Variants in SGPL1 observed in about 807,000 individuals in gnomAD.
SGPL1 encodes sphingosine-1-phosphate lyase 1.
A neutral mutation model predicts 68.9 loss-of-function variants in SGPL1; 37 were observed. That is an observed-to-expected ratio of 0.54 (90% CI 0.41 to 0.71). The LOEUF (loss-of-function observed/expected upper bound fraction) is 0.71, where lower values mean the gene tolerates loss of function less well. Among genes scored for constraint, SGPL1 ranks in the 30% least tolerant of loss-of-function variants. The probability of loss-of-function intolerance (pLI) is 0.00; values close to 1 mark genes in which losing one functional copy is unlikely to be tolerated. For missense variants in SGPL1, 551 were observed against 704.6 expected (o/e 0.78, Z 2.47); for synonymous variants, 236 against 248.5 (o/e 0.95, Z 0.47).
chr10:70,845,403 G>A (rs906627130), intron 3 of SGPL1, among the ~76,000 whole-genome samples: 9 of 152,120 alleles, frequency 5.9e-5, no homozygotes, highest in African/African-American at 2.2e-4. Context: ...CTGCCATCAG[G>A]CTGTGGGGAT....
intron 7 of SGPL1, among the ~76,000 whole-genome samples, chr10:70,863,466 C>T (rs988898309): frequency 4.0e-4 from 60 of 151,898 alleles, no homozygotes; most frequent in Admixed American, 3.9e-3. Flanking sequence ...TTCCTTGTTT[C>T]CTTATATTTG....
At chr10:70,868,296 C>T (rs776068596) in intron 7 of SGPL1, 49 bp from the exon 8 acceptor site, 139 of 1,303,562 alleles carry the variant, frequency 1.1e-4, no homozygotes, top group Admixed American at 8.5e-4. Flanking sequence ...CATGAAGAGC[C>T]GGGGCATTCC....
intron 3 of SGPL1, 41 bp downstream of exon 3, chr10:70,844,679 C>T (rs1845765088): frequency 6.4e-7 from 1 of 1,557,526 alleles, no homozygotes; most frequent in Admixed American, 1.8e-5. Flanking sequence ...AGTGGTGTGT[C>T]ACTAGCCTCA....
intron 2 of SGPL1, among the ~76,000 whole-genome samples, chr10:70,819,627 CTTTTTT>C (rs35734922): frequency 4.1e-5 from 5 of 120,928 alleles, no homozygotes; most frequent in South Asian, 5.2e-4. Flanking sequence ...TGGGATGCAG[CTTTTTT>C]TTTTTTTTTT....
intron 7 of SGPL1, among the ~76,000 whole-genome samples, chr10:70,866,070 C>G (rs572938836): frequency 6.6e-6 from 1 of 152,262 alleles, no homozygotes; most frequent in Non-Finnish European, 1.5e-5. Context: ...TTTTAAAACA[C>G]AGAATCAAAA....
rs1291022044 is a variant in SGPL1, at chr10:70,871,919, A to C, written c.992A>C (p.Tyr331Ser). 1 of 1,614,162 alleles carries C rather than the reference A, an allele frequency of 6.2e-7. No individual in the cohort carries two copies. Among genetic ancestry groups the C allele is most frequent in the Admixed American group, 1.7e-5 (1 of 60,030 alleles). ...ATCGTCTTTATGGAGAAAGCAGGAT[A>C]CCCACTGGAGCACCCATTTGATTTC... ...FLIVFMEKAG[Y>S]PLEHPFDFRV... is the part of the protein sequence containing the mutation. The change falls in exon 11 of 15, where the codon TAC becomes TCC. Residue 331 changes from tyrosine to serine, a missense_variant. Tyr to Ser is a moderately radical substitution (Grantham distance 144, BLOSUM62 -2). Coordinates refer to ENST00000373202, the MANE Select transcript of SGPL1 (RefSeq NM_003901.4).
intron 3 of SGPL1, among the ~76,000 whole-genome samples, chr10:70,847,419 G>T (rs1305681245): frequency 1.3e-5 from 2 of 152,126 alleles, no homozygotes; most frequent in African/African-American, 4.8e-5. Context: ...AAAGTGCTGA[G>T]ATTACAGGCC....
chr10:70,867,314 G>C (rs1410539519), intron 7 of SGPL1, among the ~76,000 whole-genome samples: 1 of 152,210 alleles, frequency 6.6e-6, no homozygotes, highest in African/African-American at 2.4e-5. Flanking sequence ...TGTAATCCCA[G>C]CTCTTTGGGA....
intron 7 of SGPL1, among the ~76,000 whole-genome samples, chr10:70,860,713 A>G (rs1009789570): frequency 1.3e-5 from 2 of 152,216 alleles, no homozygotes; most frequent in African/African-American, 2.4e-5. Flanking sequence ...GAAGATACAT[A>G]TATCTTATGA....
In SGPL1 at chr10:70,877,441, C is replaced by G; in HGVS notation, c.*106C>G. ...ACATCTGGTCTTGCTCCATAGAGCA[C>G]AACTCAAGATAGACCATGAGACAGC... On this transcript the variant is annotated 3_prime_UTR_variant, in exon 15 of 15. Transcript: ENST00000373202. The G allele has an allele frequency of 3.7e-6, 4 of 1,094,496 alleles. No homozygotes were observed. In the South Asian group the frequency reaches 5.5e-5, roughly 15 times the overall value. 67.8% of individuals were successfully genotyped at this position (1,094,496 alleles called of 1,614,324 possible).
chr10:70,829,265 T>G (rs1193244273), intron 2 of SGPL1, among the ~76,000 whole-genome samples: 1 of 152,172 alleles, frequency 6.6e-6, no homozygotes, highest in Non-Finnish European at 1.5e-5. Context: ...TGTTGAAGAT[T>G]AAGAGTTGAC....
chr10:70,869,680 A>C, intron 8 of SGPL1, 112 bp from the exon 9 acceptor site: 1 of 812,790 alleles, frequency 1.2e-6, no homozygotes, highest in South Asian at 1.9e-5. Context: ...TTAAATTTTT[A>C]ATTTGGGGAA....
intron 1 of SGPL1, 95 bp from the exon 2 acceptor site, chr10:70,816,716 G>A (rs1845237860): frequency 2.4e-6 from 2 of 834,130 alleles, no homozygotes; most frequent in South Asian, 1.3e-5. Flanking sequence ...TCAAAGGAGG[G>A]AGAGAACCAT....
intron 8 of SGPL1, 74 bp from the exon 9 acceptor site, chr10:70,869,718 T>A (rs1846254185): frequency 9.1e-7 from 1 of 1,101,196 alleles, no homozygotes; most frequent in Non-Finnish European, 1.3e-6. Flanking sequence ...TCCCGGTAAT[T>A]TAGATTAGCT....
chr10:70,876,111 C>T (rs370102738), intron 13 of SGPL1, among the ~76,000 whole-genome samples: 10 of 152,174 alleles, frequency 6.6e-5, no homozygotes, highest in Admixed American at 1.3e-4. Context: ...GTAAACCCCA[C>T]TAAATTCCTC....
intron 4 of SGPL1, among the ~76,000 whole-genome samples, chr10:70,852,742 G>A (rs948747089): frequency 2.0e-5 from 3 of 152,190 alleles, no homozygotes; most frequent in Admixed American, 1.3e-4. Flanking sequence ...GCGCACGCGT[G>A]TGTGTATACC....
chr10:70,858,874 A>G (rs1846004119), intron 6 of SGPL1, among the ~76,000 whole-genome samples: 2 of 152,178 alleles, frequency 1.3e-5, no homozygotes, highest in African/African-American at 4.8e-5. Context: ...TAGATCACTC[A>G]GGATGTTAGT....
chr10:70,862,742 C>T (rs558521819), intron 7 of SGPL1, among the ~76,000 whole-genome samples: 12 of 152,208 alleles, frequency 7.9e-5, no homozygotes, highest in African/African-American at 2.9e-4. Context: ...ACTCCTGAGC[C>T]AGCGAGACCA....
intron 7 of SGPL1, among the ~76,000 whole-genome samples, chr10:70,862,524 G>A (rs1275959870): frequency 6.6e-6 from 1 of 152,150 alleles, no homozygotes; most frequent in African/African-American, 2.4e-5. Flanking sequence ...CCACACTGTG[G>A]AAGCTTTGTT....
Sources: gnomAD v4.1 joint callset for allele counts (sites outside exome capture counted in the v4.1 genomes callset) on GRCh38, gnomAD v4.1.1 for gene constraint, MANE v1.5 for transcripts, NCBI Gene and HGNC (gene_info 2026-07-23, HGNC 2026-07-21) for gene names.